The following ZFAND5 variants were observed in gnomAD, a reference collection of about 807,000 sequenced individuals.
ZFAND5 encodes the protein zinc finger AN1-type containing 5.
ZFAND5 carries 4 observed loss-of-function variants against 23.6 expected under a neutral mutation model. That is an observed-to-expected ratio of 0.17 (90% CI 0.08 to 0.39). ZFAND5 has a LOEUF of 0.39. Ranked by LOEUF, ZFAND5 falls within the 10% of genes least tolerant of loss-of-function variation. The pLI is 1.00. For missense variants in ZFAND5, 161 were observed against 253.7 expected (o/e 0.63, Z 2.48); for synonymous variants, 68 against 80.6 (o/e 0.84, Z 0.84).
Position 72,359,398 on chromosome 9 carries a change from G to A in ZFAND5, c.367+20C>T. The A allele has an allele frequency of 6.2e-7, 1 of 1,608,482 alleles. No homozygotes were observed. The highest frequency in any genetic ancestry group is 8.5e-7 in the Non-Finnish European group (1 of 1,177,198). On this transcript the variant is annotated intron_variant, in intron 5 of 6. Transcript: ENST00000376962. ...CACTATCAAATTCAGAACTGAACAA[G>A]TATTAAATGAAAAACATACCTGGCT... is the stretch of plus-strand genomic sequence containing the variant.
At chr9:72,363,774 C>T (rs1181264636) in intron 1 of ZFAND5, 168 bp from the exon 2 acceptor site, 1 of 433,618 alleles carries the variant, frequency 2.3e-6, no homozygotes, top group South Asian at 9.9e-5. Flanking sequence ...GAATAAAATA[C>T]ATTCGTTTAT....
chr9:72,356,878 G>T, intron 6 of ZFAND5, 53 bp downstream of exon 6: 1 of 1,599,336 alleles, frequency 6.3e-7, no homozygotes. Flanking sequence ...GTGACCAAAA[G>T]CTCCTTGTTA....
chr9:72,353,984 A>T lies in ZFAND5; in HGVS notation c.*1969T>A, dbSNP rs1026889375. On this transcript the variant is annotated 3_prime_UTR_variant, in exon 7 of 7. Transcript: ENST00000376962. ...AAGCAACAGTTGCACTCTGGTAATC[A>T]TTTACCCCAGGTAAAGTCAACATGT... The T allele has an allele frequency of 6.6e-6, 1 of 152,120 alleles. No individual in the cohort carries two copies. The highest frequency in any genetic ancestry group is 1.5e-5 in the Non-Finnish European group (1 of 68,026). The allele number at this position is 152,120 out of a possible 1,614,324, so 9.4% of individuals were successfully genotyped here.
intron 4 of ZFAND5, 103 bp from the exon 5 acceptor site, chr9:72,359,624 T>A: frequency 9.5e-7 from 1 of 1,057,768 alleles, no homozygotes; most frequent in Non-Finnish European, 1.3e-6. Context: ...ATTTCCAAAA[T>A]GAGCAAATGG....
At chr9:72,360,576 T>C (rs2146184) in intron 3 of ZFAND5, 52 bp downstream of exon 3, 644,820 of 1,607,898 alleles carry the variant, frequency 0.4, 130,406 homozygotes, top group Admixed American at 0.47. Context: ...CTTGGTTCTG[T>C]ATTTCTGTCC....
chr9:72,364,592 T>A (rs1842209774), intron 1 of ZFAND5, 104 bp downstream of exon 1: 2 of 1,237,824 alleles, frequency 1.6e-6, no homozygotes, highest in Non-Finnish European at 2.1e-6. Flanking sequence ...ATCCGCGGCC[T>A]GCTCCGGCTT....
At position 72,365,019 on chromosome 9, in the gene ZFAND5, C is replaced by G. The variant is rs907451238; in HGVS notation, c.-470G>C. The G allele has an allele frequency of 1.3e-5, 2 of 152,306 alleles. No homozygotes were observed. Among genetic ancestry groups the G allele is most frequent in the South Asian group, 4.1e-4 (2 of 4,838 alleles). The allele number at this position is 152,306 out of a possible 1,614,324, so 9.4% of individuals were successfully genotyped here. ...GAGGCGCTCGCCTGTCGTCGCCTCA[C>G]GCCTCCACAGGCCGCAGGTTGGGCG... On this transcript the variant is annotated 5_prime_UTR_variant, in exon 1 of 7. Coordinates refer to ENST00000376962, the MANE Select transcript of ZFAND5 (RefSeq NM_001102420.3).
chr9:72,357,053 A>T lies in ZFAND5; in HGVS notation c.371T>A (p.Val124Asp). The T allele has an allele frequency of 6.2e-7, 1 of 1,610,510 alleles. No homozygotes were observed. The highest frequency in any genetic ancestry group is 8.5e-7 in the Non-Finnish European group (1 of 1,178,438). ...AGAAACTGATGGACTGGGCTGAGTGACAACTGAAAAGGACAAAAACACAAA... is the reference window on the plus strand; with the variant it reads ...AGAAACTGATGGACTGGGCTGAGTGTCAACTGAAAAGGACAAAAACACAAA... Reference protein sequence around the residue: ...TPKTEVSEPVVTQPSPSVSQP... With the variant: ...TPKTEVSEPVDTQPSPSVSQP... The change falls in exon 6 of 7, where the codon GTC (valine) becomes GAC (aspartate). Residue 124 changes from valine (V) to aspartate (D), a missense_variant. By Grantham distance (152) the Val-to-Asp change is radical. Coordinates refer to ENST00000376962, the MANE Select transcript of ZFAND5 (RefSeq NM_001102420.3).
intron 5 of ZFAND5, among the ~76,000 whole-genome samples, chr9:72,358,824 CAG>C (rs1186015707): frequency 6.6e-6 from 1 of 152,078 alleles, no homozygotes; most frequent in Non-Finnish European, 1.5e-5. Context: ...ATATAAAGCA[CAG>C]AAATCTTTTT....
At chr9:72,359,547 T>A in intron 4 of ZFAND5, 26 bp from the exon 5 acceptor site, 1 of 1,604,070 alleles carries the variant, frequency 6.2e-7, no homozygotes, top group Non-Finnish European at 8.5e-7. Context: ...CAAACAATTT[T>A]TAAAGGTGTT....
At chr9:72,359,652 T>G (rs1377619316) in intron 4 of ZFAND5, 131 bp from the exon 5 acceptor site, 1 of 879,406 alleles carries the variant, frequency 1.1e-6, no homozygotes, top group African/African-American at 1.8e-5. Context: ...TAATCTAAAG[T>G]TTAAAAAAAA....
At chr9:72,357,188 C>G (rs1841968335) in intron 5 of ZFAND5, 132 bp from the exon 6 acceptor site, 1 of 1,103,670 alleles carries the variant, frequency 9.1e-7, no homozygotes, top group Non-Finnish European at 1.2e-6. Context: ...AAAATACAAG[C>G]TTTAAACAGA....
chr9:72,364,538 G>T, intron 1 of ZFAND5, 158 bp downstream of exon 1: 1 of 1,277,362 alleles, frequency 7.8e-7, no homozygotes. Context: ...CCGTCTTTGT[G>T]CTTCCTGGGC....
rs1195924394 is a variant in ZFAND5 at position 72,351,739 on chromosome 9, T to C, written c.*4214A>G. The stretch of plus-strand genomic sequence containing the variant: ...GATGTCAACTGGCAAGGGCTGGCTG[T>C]TGGCCGATTCACCATGACTGACATG... On this transcript the variant is annotated 3_prime_UTR_variant, in exon 7 of 7. Transcript: ENST00000376962. 6.6e-6 allele frequency: 1 copy of C among 152,202 alleles called. No individual in the cohort carries two copies. Among genetic ancestry groups the C allele is most frequent in the Non-Finnish European group, 1.5e-5 (1 of 68,030 alleles). The allele number at this position is 152,202 out of a possible 1,614,324, so 9.4% of individuals were successfully genotyped here.
At chr9:72,364,462 C>A in intron 1 of ZFAND5, 3 of 1,275,956 alleles carry the variant, frequency 2.4e-6, no homozygotes, top group Non-Finnish European at 3.1e-6. Context: ...GTTTCCCGAC[C>A]GTGCTGTGGA....
Position 72,354,041 on chromosome 9 carries a change from A to G in ZFAND5, c.*1912T>C, listed in dbSNP as rs1841861629. ...CACCCCTTGTTCTTTATGATCTGGCATAAACGCTACAGAGACCAAGTCCAT... is the reference window on the plus strand; with the variant it reads ...CACCCCTTGTTCTTTATGATCTGGCGTAAACGCTACAGAGACCAAGTCCAT... On this transcript the variant is annotated 3_prime_UTR_variant, in exon 7 of 7. Coordinates refer to ENST00000376962, the MANE Select transcript of ZFAND5 (RefSeq NM_001102420.3). The G allele has an allele frequency of 6.6e-6, 1 of 152,220 alleles. No individual in the cohort carries two copies. Among genetic ancestry groups the G allele is most frequent in the African/African-American group, 2.4e-5 (1 of 41,454 alleles). 9.4% of individuals were successfully genotyped at this position (152,220 alleles called of 1,614,324 possible). A position where few individuals can be genotyped will look rare whatever the true frequency, so the allele number is the denominator to read the frequency against.
intron 1 of ZFAND5, chr9:72,364,336 G>A: frequency 9.3e-7 from 1 of 1,079,956 alleles, no homozygotes; most frequent in South Asian, 1.7e-5. Context: ...ACGGGCAGGG[G>A]GCGCGGCCGC....
At chr9:72,358,876 T>C (rs1339547302) in intron 5 of ZFAND5, among the ~76,000 whole-genome samples, 1 of 152,112 alleles carries the variant, frequency 6.6e-6, no homozygotes, top group Non-Finnish European at 1.5e-5. Context: ...TCAGTCTTCT[T>C]CCACCATCAG....
Position 72,354,721 on chromosome 9 carries a change from CACTA to C in ZFAND5, c.*1228_*1231del, listed in dbSNP as rs1448448988. The C allele has an allele frequency of 1.3e-5, 2 of 152,526 alleles. No individual in the cohort carries two copies. Among genetic ancestry groups the C allele is most frequent in the East Asian group, 3.9e-4 (2 of 5,182 alleles). The allele number at this position is 152,526 out of a possible 1,614,324, so 9.4% of individuals were successfully genotyped here. ...CAGATGAAAACAGGCATTACCACAA[CACTA>C]ACTATACTCATTTATATATAAAAAA... On this transcript the variant is annotated 3_prime_UTR_variant, in exon 7 of 7. Transcript: ENST00000376962.
Sources: allele counts gnomAD v4.1 joint callset (sites outside exome capture counted in the v4.1 genomes callset), GRCh38; gene constraint gnomAD v4.1.1; transcripts MANE v1.5; gene names NCBI Gene and HGNC (gene_info 2026-07-23, HGNC 2026-07-21).